Variants in MEI4 observed in about 807,000 individuals in gnomAD.
MEI4 encodes the protein meiotic double-stranded break formation protein 4, also known as meiosis-specific protein MEI4.
Under a neutral mutation model 31.4 loss-of-function variants are expected in MEI4, and 27 were observed. The ratio of observed to expected loss-of-function variants is 0.86; its 90% CI spans 0.63 to 1.19. The LOEUF is 1.19. MEI4 is among the 50% of genes most tolerant of loss of function. MEI4 has a pLI of 0.00. For missense variants in MEI4, 329 were observed against 398.9 expected (o/e 0.82, Z 1.49); for synonymous variants, 122 against 145.4 (o/e 0.84, Z 1.16).
At chr6:77,790,348 C>A (rs562070575) in intron 3 of MEI4, among the ~76,000 whole-genome samples, 4 of 151,842 alleles carry the variant, frequency 2.6e-5, no homozygotes, top group African/African-American at 9.7e-5. Flanking sequence ...CACATGTATA[C>A]ATATGTAACC....
chr6:77,715,718 C>T (rs1352449407), intron 2 of MEI4, among the ~76,000 whole-genome samples: 4 of 152,160 alleles, frequency 2.6e-5, no homozygotes, highest in African/African-American at 9.7e-5. Flanking sequence ...GCTATGGAAT[C>T]ACGTATGTCT....
chr6:77,873,701 A>G (rs1349802781), intron 4 of MEI4, among the ~76,000 whole-genome samples: 11 of 152,098 alleles, frequency 7.2e-5, no homozygotes, highest in African/African-American at 2.7e-4. Context: ...CTGAATGGTA[A>G]TGCCTAGGTT....
intron 2 of MEI4, among the ~76,000 whole-genome samples, chr6:77,745,113 A>G (rs1436236145): frequency 2.0e-5 from 3 of 152,210 alleles, no homozygotes; most frequent in Non-Finnish European, 2.9e-5. Flanking sequence ...AAATTCACAC[A>G]TAACAATATT....
intron 3 of MEI4, among the ~76,000 whole-genome samples, chr6:77,814,365 A>G (rs540352116): frequency 3.3e-5 from 5 of 151,560 alleles, no homozygotes; most frequent in Non-Finnish European, 5.9e-5. Context: ...GAAAGCAGCA[A>G]TCTTGCAAAA....
intron 3 of MEI4, among the ~76,000 whole-genome samples, chr6:77,823,767 C>A (rs1180174032): frequency 1.3e-5 from 2 of 151,994 alleles, no homozygotes. Context: ...AGACATAATT[C>A]TGGATGCTTC....
At chr6:77,890,675 TG>T (rs1771743352) in intron 4 of MEI4, among the ~76,000 whole-genome samples, 1 of 152,106 alleles carries the variant, frequency 6.6e-6, no homozygotes, top group Admixed American at 6.5e-5. Context: ...TGGAATGATA[TG>T]GTTTGGCTAT....
intron 4 of MEI4, among the ~76,000 whole-genome samples, chr6:77,865,672 C>T (rs1195469172): frequency 1.3e-5 from 2 of 152,158 alleles, no homozygotes; most frequent in African/African-American, 4.8e-5. Flanking sequence ...TGGTACCATT[C>T]CTTCTGAAAC....
chr6:77,665,693 G>A (rs1450409735), intron 1 of MEI4, among the ~76,000 whole-genome samples: 1 of 152,166 alleles, frequency 6.6e-6, no homozygotes, highest in Admixed American at 6.5e-5. Flanking sequence ...GACCGGCGCC[G>A]GAGTTTTGGG....
intron 4 of MEI4, among the ~76,000 whole-genome samples, chr6:77,839,254 CAAATAGG>C (rs1204473228): frequency 6.6e-6 from 1 of 151,848 alleles, no homozygotes; most frequent in Non-Finnish European, 1.5e-5. Flanking sequence ...TAACTATGTA[CAAATAGG>C]ATGAATGGTG....
chr6:77,732,375 A>T (rs1376488172), intron 2 of MEI4, among the ~76,000 whole-genome samples: 1 of 151,796 alleles, frequency 6.6e-6, no homozygotes, highest in Admixed American at 6.6e-5. Context: ...TAGGTATTTT[A>T]TTCTCTTTGA....
chr6:77,757,972 A>C (rs543346865), intron 2 of MEI4, among the ~76,000 whole-genome samples: 24 of 152,230 alleles, frequency 1.6e-4, no homozygotes, highest in Non-Finnish European at 3.4e-4. Flanking sequence ...CCTGGCCAAC[A>C]TGGTGAAACC....
chr6:77,726,832 T>TAATA (rs35867512), intron 2 of MEI4, among the ~76,000 whole-genome samples: 1 of 151,682 alleles, frequency 6.6e-6, no homozygotes, highest in Non-Finnish European at 1.5e-5. Flanking sequence ...CAGACAAAAA[T>TAATA]AAGCTTATTT....
intron 4 of MEI4, among the ~76,000 whole-genome samples, chr6:77,892,210 C>T (rs1223470310): frequency 2.6e-5 from 4 of 152,240 alleles, no homozygotes; most frequent in South Asian, 2.1e-4. Flanking sequence ...ACCCCCTACT[C>T]CCCATGATGG....
chr6:77,860,007 G>T (rs1488326970), intron 4 of MEI4, among the ~76,000 whole-genome samples: 2 of 152,058 alleles, frequency 1.3e-5, no homozygotes, highest in Non-Finnish European at 2.9e-5. Context: ...GTGCTTCCAA[G>T]AATTATAAAT....
At position 77,883,648 on chromosome 6, in the gene MEI4, A is replaced by G. The variant is rs1393738055; in HGVS notation, c.901-39441A>G. Among the ~76,000 whole-genome samples, 9 of 146,310 alleles carry G rather than the reference A, an allele frequency of 6.2e-5. No individual in the cohort carries two copies. In the East Asian group the frequency reaches 1.8e-3, roughly 30 times the overall value. ...AAATGACAGGATTTTATTCTTTTTT[A>G]TGGCACAATACTATTGTGTGTTATG... is the stretch of plus-strand genomic sequence containing the variant. On this transcript the variant is annotated intron_variant, in intron 4 of 4. Coordinates refer to ENST00000684080, the MANE Select transcript of MEI4 (RefSeq NM_001322247.2).
chr6:77,821,426 C>T (rs2127708578), intron 3 of MEI4, among the ~76,000 whole-genome samples: 1 of 152,264 alleles, frequency 6.6e-6, no homozygotes, highest in East Asian at 1.9e-4. Context: ...GTAGCTTCAT[C>T]TCTCAGCATG....
intron 3 of MEI4, among the ~76,000 whole-genome samples, chr6:77,777,675 A>G (rs922120204): frequency 3.3e-5 from 5 of 152,182 alleles, no homozygotes; most frequent in Non-Finnish European, 7.3e-5. Context: ...CCTTGCTCTT[A>G]AGTATACCCA....
Position 77,761,498 on chromosome 6 carries a change from C to T in MEI4, c.601C>T (p.Pro201Ser), listed in dbSNP as rs538799752. 1 of 1,232,142 alleles carries T rather than the reference C, an allele frequency of 8.1e-7. No individual in the cohort carries two copies. Among genetic ancestry groups the T allele is most frequent in the South Asian group, 4.1e-5 (1 of 24,312 alleles). 76.3% of individuals were successfully genotyped at this position (1,232,142 alleles called of 1,614,324 possible). Residue 201 changes from proline to serine, a missense_variant, in exon 3 of 5, where the codon CCC becomes TCC. Pro to Ser is a moderately conservative substitution (Grantham distance 74). Transcript: ENST00000684080. ...TGGCCTGATCACTTTTTACCGTAAT[C>T]CCAAACTTCCTTTTTCAAGATTTTG... ...LDGLITFYRN[P>S]KLPFSRFWTE... is the part of the protein sequence containing the mutation.
At position 77,891,707 on chromosome 6, in the gene MEI4, C is replaced by T. The variant is rs191258269; in HGVS notation, c.901-31382C>T. The stretch of plus-strand genomic sequence containing the variant: ...CCTTGCTTTTTCATATTTTCATGTT[C>T]TTTACATTGAAATTTGTGCATATGG... On this transcript the variant is annotated intron_variant, in intron 4 of 4. Coordinates refer to ENST00000684080, the MANE Select transcript of MEI4 (RefSeq NM_001322247.2). Among the ~76,000 whole-genome samples, 799 of 151,854 alleles carry T rather than the reference C, an allele frequency of 5.3e-3. 9 individuals are homozygous for T. Among genetic ancestry groups the T allele is most frequent in the Non-Finnish European group, 7.8e-3 (530 of 67,898 alleles).
Sources: allele counts gnomAD v4.1 joint callset (sites outside exome capture counted in the v4.1 genomes callset), GRCh38; gene constraint gnomAD v4.1.1; transcripts MANE v1.5; gene names NCBI Gene and HGNC (gene_info 2026-07-23, HGNC 2026-07-21).